The following DAB1 variants were observed in gnomAD, a reference collection of about 807,000 sequenced individuals.
DAB1 encodes DAB adaptor protein 1.
DAB1 carries 15 observed loss-of-function variants against 64.6 expected under a neutral mutation model. The observed-to-expected ratio is 0.23, with a 90% CI of 0.16 to 0.36. The LOEUF (loss-of-function observed/expected upper bound fraction) is 0.36. DAB1 is among the 10% of genes least tolerant of loss of function. DAB1 has a pLI of 1.00. For synonymous variants in DAB1, 235 were observed against 251.9 expected, an observed-to-expected ratio of 0.93 and a Z score of 0.64; for missense variants, 596 against 706.7, an observed-to-expected ratio of 0.84 and a Z score of 1.78.
chr1:57,769,643 A>G (rs1371661317), intron 6 of DAB1, among the ~76,000 whole-genome samples: 1 of 152,150 alleles, frequency 6.6e-6, no homozygotes, highest in East Asian at 1.9e-4. Flanking sequence ...CCCATAGGAA[A>G]TGTGTCCTGT....
intron 6 of DAB1, among the ~76,000 whole-genome samples, chr1:57,740,141 G>C (rs1197656597): frequency 1.3e-5 from 2 of 152,008 alleles, no homozygotes; most frequent in African/African-American, 2.4e-5. Context: ...TTGAACCTGG[G>C]AGGCAGAGGT....
rs151275679 is a variant in DAB1, at chr1:57,847,956, T to A, written n.88-21501A>T. Among the ~76,000 whole-genome samples the A allele has an allele frequency of 4.8e-4, 73 of 152,322 alleles. No individual in the cohort carries two copies. In the East Asian group the frequency reaches 9.1e-3, roughly 19 times the overall value. On this transcript the variant is annotated intron_variant and non_coding_transcript_variant, in intron 1 of 1. Coordinates refer to the DAB1 transcript ENST00000477280. ...AGGCTATTACAAAGTAGGAGATTAT[T>A]ATCCCTGTATTAAAGATAAGAAAAC... is the stretch of plus-strand genomic sequence containing the variant.
intron 2 of DAB1, among the ~76,000 whole-genome samples, chr1:57,227,771 G>C (rs997385183): frequency 6.6e-6 from 1 of 152,072 alleles, no homozygotes; most frequent in Non-Finnish European, 1.5e-5. Flanking sequence ...TTGCCAGGCT[G>C]ATCTTGAACT....
At chr1:57,214,330 T>C (rs901331309) in intron 2 of DAB1, among the ~76,000 whole-genome samples, 6 of 152,172 alleles carry the variant, frequency 3.9e-5, no homozygotes, top group Admixed American at 1.3e-4. Context: ...TACCATCACA[T>C]TGGCAACATC....
chr1:57,194,993 TTTGGGTC>T (rs1177506624), intron 2 of DAB1, among the ~76,000 whole-genome samples: 4 of 152,330 alleles, frequency 2.6e-5, no homozygotes, highest in Middle Eastern at 3.4e-3. Flanking sequence ...GTGTAATAAC[TTTGGGTC>T]TTGGGTCTTA....
Position 58,194,100 on chromosome 1 carries a change from G to A in DAB1, n.310-43512C>T, listed in dbSNP as rs1011779376. Among the ~76,000 whole-genome samples the A allele has an allele frequency of 3.9e-5, 6 of 152,328 alleles. No individual in the cohort carries two copies. In the East Asian group the frequency reaches 9.6e-4, roughly 24 times the overall value. ...GTCCAAATCTGTATCTGTATTAAAT[G>A]CCTCATAGTCATTCAACTGGGGCAT... On this transcript the variant is annotated intron_variant and non_coding_transcript_variant, in intron 4 of 20. Transcript: ENST00000485760.
At chr1:57,290,860 A>G (rs1230196493) in intron 2 of DAB1, 104 bp downstream of exon 2, 1 of 622,348 alleles carries the variant, frequency 1.6e-6, no homozygotes, top group Non-Finnish European at 2.8e-6. Flanking sequence ...CTATTTAAAA[A>G]TATATGCAAT....
At chr1:58,148,598 T>C (rs1272008845) in intron 5 of DAB1, among the ~76,000 whole-genome samples, 2 of 152,224 alleles carry the variant, frequency 1.3e-5, no homozygotes, top group Admixed American at 1.3e-4. Flanking sequence ...AAAGGTTTAA[T>C]GGACTCACAG....
chr1:57,134,004 T>C (rs1657857077), intron 4 of DAB1, among the ~76,000 whole-genome samples: 2 of 152,172 alleles, frequency 1.3e-5, no homozygotes, highest in African/African-American at 4.8e-5. Flanking sequence ...GAAAACATAA[T>C]CTTAAAATTA....
chr1:57,792,400 A>G (rs1650644075), intron 6 of DAB1, among the ~76,000 whole-genome samples: 1 of 152,096 alleles, frequency 6.6e-6, no homozygotes, highest in Admixed American at 6.5e-5. Context: ...GACCTTCTCT[A>G]TTTAGCTTTT....
chr1:57,282,468 G>A (rs530667683), intron 2 of DAB1, among the ~76,000 whole-genome samples: 50 of 152,268 alleles, frequency 3.3e-4, no homozygotes, highest in African/African-American at 1.1e-3. Context: ...GAGGAAAAGA[G>A]CTATGTAGGT....
chr1:57,709,736 T>C (rs1321112691), intron 6 of DAB1, among the ~76,000 whole-genome samples: 1 of 152,064 alleles, frequency 6.6e-6, no homozygotes, highest in East Asian at 1.9e-4. Flanking sequence ...AGGTGTGCCA[T>C]TTGCATAGCA....
intron 2 of DAB1, among the ~76,000 whole-genome samples, chr1:57,282,548 T>G (rs1671999764): frequency 6.6e-6 from 1 of 152,170 alleles, no homozygotes; most frequent in Non-Finnish European, 1.5e-5. Flanking sequence ...AGTCACCAAT[T>G]AAACCTGAAA....
intron 6 of DAB1, among the ~76,000 whole-genome samples, chr1:57,788,814 T>C (rs952418322): frequency 1.1e-4 from 17 of 152,314 alleles, no homozygotes; most frequent in South Asian, 2.1e-4. Context: ...TGGTTGTTGA[T>C]TGAGACTCTA....
chr1:57,088,182 T>G (rs1290726569), intron 4 of DAB1, among the ~76,000 whole-genome samples: 1 of 152,212 alleles, frequency 6.6e-6, no homozygotes, highest in African/African-American at 2.4e-5. Context: ...GTGATTCTCA[T>G]GCCTCAGCCT....
At chr1:58,137,184 G>T in intron 5 of DAB1, among the ~76,000 whole-genome samples, 1 of 152,094 alleles carries the variant, frequency 6.6e-6, no homozygotes, top group Non-Finnish European at 1.5e-5. Flanking sequence ...TGGGGTCATA[G>T]AATTACAAGA....
chr1:57,961,488 T>A (rs1288388222), intron 5 of DAB1, among the ~76,000 whole-genome samples: 1 of 149,538 alleles, frequency 6.7e-6, no homozygotes, highest in Non-Finnish European at 1.5e-5. Flanking sequence ...GTCCCCCACC[T>A]TCCTGTCATG....
At position 57,023,567 on chromosome 1, in the gene DAB1, T is replaced by A. The variant is rs2100379399; in HGVS notation, c.859A>T (p.Ser287Cys). 6.2e-7 allele frequency: 1 copy of A among 1,611,438 alleles called. No individual in the cohort carries two copies. Among genetic ancestry groups the A allele is most frequent in the South Asian group, 1.1e-5 (1 of 89,926 alleles). Residue 287 changes from serine (S) to cysteine (C), a missense_variant, in exon 11 of 15, where the codon AGT (serine) becomes TGT (cysteine). Physicochemically the swap from Ser to Cys is moderately radical, Grantham distance 112. Around this residue, in one of 3 missense-constraint regions of DAB1, gnomAD observed 377 missense variants for 400.4 expected, o/e 0.94. Coordinates refer to ENST00000371236, the MANE Select transcript of DAB1 (RefSeq NM_001365792.1). ...GCAGCAGTGCCGAAAGGTACAGAAC[T>A]AAACACATCTGCACTCGCTGGAAGG... is the stretch of plus-strand genomic sequence containing the variant. ...QTLPASADVF[S>C]SVPFGTAAVP...
chr1:57,037,621 A>G (rs1647215229), intron 9 of DAB1, among the ~76,000 whole-genome samples: 1 of 152,276 alleles, frequency 6.6e-6, no homozygotes, highest in Admixed American at 6.5e-5. Flanking sequence ...AGGCATCTGA[A>G]TGCATGTTAC....
Sources: gnomAD v4.1 joint callset for allele counts (sites outside exome capture counted in the v4.1 genomes callset) on GRCh38, gnomAD v4.1.1 for gene constraint, gnomAD v4.1.1 regional missense constraint, MANE v1.5 for transcripts, NCBI Gene and HGNC (gene_info 2026-07-23, HGNC 2026-07-21) for gene names.